Variants in KLF3 observed in about 807,000 individuals in gnomAD.
KLF3 encodes KLF transcription factor 3.
KLF3 carries 6 observed loss-of-function variants against 32.7 expected under a neutral mutation model. That is an observed-to-expected ratio of 0.18 (90% CI 0.10 to 0.36). The LOEUF (loss-of-function observed/expected upper bound fraction) is 0.36, where lower values mean the gene tolerates loss of function less well. KLF3 is among the 10% of genes least tolerant of loss of function. KLF3 has a pLI of 1.00. For missense variants in KLF3, 338 were observed against 449.7 expected, an observed-to-expected ratio of 0.75 and a Z score of 2.25; for synonymous variants, 145 against 172.8, an observed-to-expected ratio of 0.84 and a Z score of 1.26.
rs543507429 is a variant in KLF3, at chr4:38,678,229, T to G, written c.-39-2358T>G. Among the ~76,000 whole-genome samples the G allele has an allele frequency of 2.7e-3, 417 of 152,246 alleles. 2 individuals are homozygous for G. The highest frequency in any genetic ancestry group is 9.8e-3 in the African/African-American group (406 of 41,534). On this transcript the variant is annotated intron_variant, in intron 1 of 5. Transcript: ENST00000261438. ...AGGGCTGCTAAATGATCTGACCTCA[T>G]TGATGTAAGCAGGAGATCTCACATC...
intron 2 of KLF3, among the ~76,000 whole-genome samples, chr4:38,687,428 A>G (rs989591914): frequency 6.6e-6 from 1 of 152,266 alleles, no homozygotes; most frequent in Non-Finnish European, 1.5e-5. Flanking sequence ...GATAGTGCCC[A>G]TTGTGTGAAA....
At chr4:38,684,155 C>T (rs966388628) in intron 2 of KLF3, among the ~76,000 whole-genome samples, 5 of 152,324 alleles carry the variant, frequency 3.3e-5, no homozygotes, top group African/African-American at 1.2e-4. Context: ...CTCGCCAAAA[C>T]TATTCCTCAT....
intron 1 of KLF3, among the ~76,000 whole-genome samples, chr4:38,675,832 A>T (rs7688346): frequency 4.6e-5 from 7 of 152,058 alleles, no homozygotes; most frequent in African/African-American, 1.5e-4. Context: ...TGAGCCGCCC[A>T]TGGGTACCAA....
chr4:38,672,304 G>T (rs1476396404), intron 1 of KLF3, among the ~76,000 whole-genome samples: 1 of 152,246 alleles, frequency 6.6e-6, no homozygotes, highest in African/African-American at 2.4e-5. Flanking sequence ...CCTGTGGGGA[G>T]TGGGGAGGGA....
chr4:38,681,855 A>C (rs1240749865), intron 2 of KLF3, among the ~76,000 whole-genome samples: 1 of 152,226 alleles, frequency 6.6e-6, no homozygotes, highest in South Asian at 2.1e-4. Context: ...AAAAATGTTT[A>C]TACAAGACAC....
In KLF3 at chr4:38,688,842, A is replaced by G; in HGVS notation, c.315A>G (p.Lys105=). The G allele has an allele frequency of 1.2e-6, 2 of 1,614,194 alleles. No homozygotes were observed. The highest frequency in any genetic ancestry group is 2.2e-5 in the South Asian group (2 of 91,076). The change falls in exon 3 of 6, where the codon AAA becomes AAG. Residue 105 remains lysine, a synonymous_variant. Coordinates refer to ENST00000261438, the MANE Select transcript of KLF3 (RefSeq NM_016531.6). The surrounding 1 kb of genome is among the most constrained non-coding windows in gnomAD (Gnocchi z 4.9). ...LSMPSSSPPI[K]KYSPPSPGVQ... ...TGCCTTCTTCCAGCCCACCGATAAA[A>G]AAATACTCACCCCCTTCTCCAGGCG...
intron 4 of KLF3, among the ~76,000 whole-genome samples, chr4:38,693,087 TAC>T (rs1477841738): frequency 5.4e-4 from 73 of 135,764 alleles, no homozygotes; most frequent in African/African-American, 1.9e-3. Flanking sequence ...CACATATATA[TAC>T]ACGTATATAT....
At chr4:38,684,791 A>G (rs765201482) in intron 2 of KLF3, among the ~76,000 whole-genome samples, 1 of 152,118 alleles carries the variant, frequency 6.6e-6, no homozygotes, top group Admixed American at 6.5e-5. Flanking sequence ...CTCGGCCTTA[A>G]GATATCCTCC....
rs772922863 is a variant in KLF3 at position 38,689,859 on chromosome 4, C to G, written c.675C>G (p.Pro225=). 1 of 1,424,334 alleles carries G rather than the reference C, an allele frequency of 7.0e-7. No individual in the cohort carries two copies. Among genetic ancestry groups the G allele is most frequent in the South Asian group, 1.1e-5 (1 of 87,492 alleles). The allele number at this position is 1,424,334 out of a possible 1,614,324, so 88.2% of individuals were successfully genotyped here. Reference sequence around the variant, plus strand: ...CCCCCTTAATGAACTCAGTGTCCCCCCCGCAAGCATTGTTGCAAGAGTAAG... The same window carrying G: ...CCCCCTTAATGAACTCAGTGTCCCCGCCGCAAGCATTGTTGCAAGAGTAAG... ...MSPPLMNSVS[P]PQALLQENHP... Residue 225 remains proline, a synonymous_variant, in exon 4 of 6, where the codon CCC becomes CCG. Coordinates refer to ENST00000261438, the MANE Select transcript of KLF3 (RefSeq NM_016531.6).
At position 38,693,065 on chromosome 4, in the gene KLF3, T is replaced by TGTATATATATACACATATATATACAC. The variant is rs1449503760; in HGVS notation, c.696-1669_696-1644dup. Among the ~76,000 whole-genome samples, 7 of 146,512 alleles carry TGTATATATATACACATATATATACAC rather than the reference T, an allele frequency of 4.8e-5. No homozygotes were observed. In the South Asian group the frequency reaches 1.1e-3, roughly 23 times the overall value. On this transcript the variant is annotated intron_variant, in intron 4 of 5. Coordinates refer to ENST00000261438, the MANE Select transcript of KLF3 (RefSeq NM_016531.6). The stretch of plus-strand genomic sequence containing the variant: ...TCTGCTGTTTGCACATATATATATA[T>TGTATATATATACACATATATATACAC]GTATATATATACACATATATATACA...
rs1468734537 is a variant in KLF3, at chr4:38,674,431, C to T, written c.-39-6156C>T. Among the ~76,000 whole-genome samples, 5 of 133,990 alleles carry T rather than the reference C, an allele frequency of 3.7e-5. No homozygotes were observed. The highest frequency in any genetic ancestry group is 1.4e-4 in the Admixed American group (2 of 13,944). 87.9% of individuals were successfully genotyped at this position (133,990 alleles called of 152,430 possible). A position where few individuals can be genotyped will look rare whatever the true frequency, so the allele number is the denominator to read the frequency against. ...GAATTACACACACACATGCACACAC[C>T]GCCTTTTTTTTTTTTCTTTTTTTGC... On this transcript the variant is annotated intron_variant, in intron 1 of 5. Transcript: ENST00000261438. The surrounding 1 kb of genome is among the most constrained non-coding windows in gnomAD (Gnocchi z 4.1).
At chr4:38,683,924 T>C (rs936499032) in intron 2 of KLF3, among the ~76,000 whole-genome samples, 1 of 152,232 alleles carries the variant, frequency 6.6e-6, no homozygotes, top group African/African-American at 2.4e-5. Context: ...GAGAGCTTTC[T>C]ACCTCTGTTT....
In KLF3 at chr4:38,699,021, T is replaced by G. The variant is rs1465192934; in HGVS notation, c.*1758T>G. 1 of 152,220 alleles carries G rather than the reference T, an allele frequency of 6.6e-6. No individual in the cohort carries two copies. Among genetic ancestry groups the G allele is most frequent in the Non-Finnish European group, 1.5e-5 (1 of 68,044 alleles). The allele number at this position is 152,220 out of a possible 1,614,324, so 9.4% of individuals were successfully genotyped here. On this transcript the variant is annotated 3_prime_UTR_variant, in exon 6 of 6. Transcript: ENST00000261438. ...CCTGTGAATTGTGTGGGGAGCTTGC[T>G]TTGATGGCACTGTGTTAATAAAAGT...
intron 4 of KLF3, 57 bp downstream of exon 4, chr4:38,689,936 G>A: frequency 6.5e-7 from 1 of 1,529,728 alleles, no homozygotes; most frequent in Non-Finnish European, 8.8e-7. Context: ...TTGGAACCTG[G>A]AGCAGAAGCA....
rs1017743991 is a variant in KLF3 at position 38,671,967 on chromosome 4, C to T, written c.-40+7506C>T. Among the ~76,000 whole-genome samples the T allele has an allele frequency of 4.6e-5, 7 of 152,002 alleles. No homozygotes were observed. The highest frequency in any genetic ancestry group is 1.5e-4 in the African/African-American group (6 of 41,368). On this transcript the variant is annotated intron_variant, in intron 1 of 5. Transcript: ENST00000261438. This position sits in a 1 kb window ranked among gnomAD's most constrained non-coding sequence, Gnocchi z 4.4. ...TTTTTCTATTTTAGATTTTAAAGTACAGTAGAGACCTCGACACTAGACTTG... is the reference window on the plus strand; with the variant it reads ...TTTTTCTATTTTAGATTTTAAAGTATAGTAGAGACCTCGACACTAGACTTG...
chr4:38,670,351 A>G (rs1185214862), intron 1 of KLF3, among the ~76,000 whole-genome samples: 1 of 152,232 alleles, frequency 6.6e-6, no homozygotes, highest in Non-Finnish European at 1.5e-5. Flanking sequence ...GGATCCTGCC[A>G]GGGATGGCCC....
chr4:38,692,266 G>C (rs1722898023), intron 4 of KLF3, among the ~76,000 whole-genome samples: 1 of 152,106 alleles, frequency 6.6e-6, no homozygotes, highest in Non-Finnish European at 1.5e-5. Context: ...TTGAAAATGG[G>C]AGTGGAGACC....
At chr4:38,675,638 G>A (rs1722322586) in intron 1 of KLF3, among the ~76,000 whole-genome samples, 1 of 151,822 alleles carries the variant, frequency 6.6e-6, no homozygotes. Flanking sequence ...AAACCCACTA[G>A]GTTTAAAGAC....
At chr4:38,695,190 G>A (rs553952189) in intron 5 of KLF3, among the ~76,000 whole-genome samples, 37 of 147,424 alleles carry the variant, frequency 2.5e-4, no homozygotes, top group African/African-American at 8.7e-4. Flanking sequence ...AGCCTTCGCC[G>A]CTGGAATGGG....
Sources: allele counts gnomAD v4.1 joint callset (sites outside exome capture counted in the v4.1 genomes callset), GRCh38; gene constraint gnomAD v4.1.1; non-coding constraint Gnocchi (gnomAD v3.1); transcripts MANE v1.5; gene names NCBI Gene and HGNC (gene_info 2026-07-23, HGNC 2026-07-21).